TSNARE1: variants seen among roughly 807,000 people sequenced by gnomAD.
The protein encoded by TSNARE1 is t-SNARE domain containing 1.
TSNARE1 carries 49 observed loss-of-function variants against 62.0 expected under a neutral mutation model. That is an observed-to-expected ratio of 0.79 (90% CI 0.63 to 1.00). The LOEUF (loss-of-function observed/expected upper bound fraction) is 1.00. Ranked by LOEUF, TSNARE1 falls within the 50% of genes least tolerant of loss-of-function variation. The pLI is 0.00. For synonymous variants in TSNARE1, 328 were observed against 294.4 expected (o/e 1.11, Z -1.17); for missense variants, 755 against 700.1 (o/e 1.08, Z -0.88).
intron 6 of TSNARE1, among the ~76,000 whole-genome samples, chr8:142,329,866 G>T (rs534681942): frequency 3.9e-5 from 6 of 152,354 alleles, no homozygotes; most frequent in Admixed American, 6.5e-5. Context: ...GAATAGAACT[G>T]CCCTGAACAT....
At chr8:142,313,459 G>A (rs1328450942) in intron 9 of TSNARE1, among the ~76,000 whole-genome samples, 1 of 151,452 alleles carries the variant, frequency 6.6e-6, no homozygotes, top group African/African-American at 2.4e-5. Flanking sequence ...TTATCTGCAT[G>A]TGTCTGCATG....
intron 11 of TSNARE1, chr8:142,276,642 G>A (rs1205756659): frequency 1.0e-6 from 1 of 985,358 alleles, no homozygotes. Flanking sequence ...ACCACACGCA[G>A]CCTCAGCCAA....
intron 12 of TSNARE1, among the ~76,000 whole-genome samples, chr8:142,243,864 A>G (rs998691718): frequency 6.6e-6 from 1 of 152,262 alleles, no homozygotes; most frequent in Non-Finnish European, 1.5e-5. Context: ...CCATAAATAT[A>G]TGCAATTTGG....
At chr8:142,307,655 A>G (rs1206791366) in intron 9 of TSNARE1, among the ~76,000 whole-genome samples, 1 of 152,228 alleles carries the variant, frequency 6.6e-6, no homozygotes, top group African/African-American at 2.4e-5. Context: ...AACAGCTGCC[A>G]TCTTTTAAAA....
intron 1 of TSNARE1, among the ~76,000 whole-genome samples, chr8:142,398,479 C>T (rs915897741): frequency 2.0e-5 from 3 of 152,072 alleles, no homozygotes; most frequent in Non-Finnish European, 4.4e-5. Context: ...CTCTCCACCT[C>T]CTCACTCCAC....
chr8:142,309,939 G>A (rs899693569), intron 9 of TSNARE1, among the ~76,000 whole-genome samples: 3 of 151,460 alleles, frequency 2.0e-5, no homozygotes, highest in African/African-American at 7.3e-5. Context: ...TAAACTCCCA[G>A]ATTTTCTGTA....
chr8:142,282,223 A>AG (rs1821621197), intron 11 of TSNARE1, among the ~76,000 whole-genome samples: 1 of 152,064 alleles, frequency 6.6e-6, no homozygotes, highest in South Asian at 2.1e-4. Flanking sequence ...ACACCCCCCC[A>AG]GCACGGGTAC....
chr8:142,363,161 A>G (rs1835287500), intron 1 of TSNARE1, among the ~76,000 whole-genome samples: 1 of 152,142 alleles, frequency 6.6e-6, no homozygotes. Context: ...GTGCACTGGT[A>G]TCTACTGGGG....
chr8:142,256,624 C>T (rs1206702326), intron 12 of TSNARE1, among the ~76,000 whole-genome samples: 2 of 151,660 alleles, frequency 1.3e-5, no homozygotes, highest in Non-Finnish European at 2.9e-5. Context: ...CCACCACCAC[C>T]ACCACCACAA....
At chr8:142,392,893 T>C (rs957659023) in intron 1 of TSNARE1, among the ~76,000 whole-genome samples, 3 of 150,616 alleles carry the variant, frequency 2.0e-5, no homozygotes, top group East Asian at 3.9e-4. Flanking sequence ...TGAGCCGAGA[T>C]TGCACCACTG....
At chr8:142,252,838 C>T (rs1164666115) in intron 12 of TSNARE1, among the ~76,000 whole-genome samples, 1 of 152,214 alleles carries the variant, frequency 6.6e-6, no homozygotes, top group African/African-American at 2.4e-5. Context: ...CTCCCCTCCC[C>T]ACCCCTCAGC....
intron 12 of TSNARE1, among the ~76,000 whole-genome samples, chr8:142,258,381 C>CAGGG (rs1204010080): frequency 9.8e-5 from 15 of 152,312 alleles, no homozygotes; most frequent in Admixed American, 2.6e-4. Flanking sequence ...AGGTGGAACT[C>CAGGG]AGGGAGTGCT....
At chr8:142,306,670 C>T (rs1826737547) in intron 9 of TSNARE1, among the ~76,000 whole-genome samples, 1 of 152,242 alleles carries the variant, frequency 6.6e-6, no homozygotes, top group Admixed American at 6.5e-5. Flanking sequence ...AGTCCCCCCA[C>T]ATCAGCCTAG....
chr8:142,406,322 A>C, upstream of TSNARE1: 1 of 152,278 alleles, frequency 6.6e-6, no homozygotes, highest in East Asian at 1.9e-4. Flanking sequence ...CTTCCATTGT[A>C]GCTGATTTGG....
At chr8:142,283,804 A>C (rs929948393) in intron 11 of TSNARE1, among the ~76,000 whole-genome samples, 1 of 128,804 alleles carries the variant, frequency 7.8e-6, no homozygotes, top group African/African-American at 2.9e-5. Flanking sequence ...GTGTCTGTCA[A>C]TGAGCGGAGG....
At chr8:142,384,337 C>T (rs1247813664) in intron 1 of TSNARE1, among the ~76,000 whole-genome samples, 1 of 152,180 alleles carries the variant, frequency 6.6e-6, no homozygotes, top group Non-Finnish European at 1.5e-5. Flanking sequence ...CAGAAAAAAA[C>T]TAACACATTC....
chr8:142,274,248 C>A lies in TSNARE1; in HGVS notation c.1446+533G>T, dbSNP rs1586940128. 3 of 985,344 alleles carry A rather than the reference C, an allele frequency of 3.0e-6. No individual in the cohort carries two copies. The South Asian group carries it at 1.4e-4, about 46-fold the overall frequency. The allele number at this position is 985,344 out of a possible 1,614,324, so 61.0% of individuals were successfully genotyped here. ...ATCTCAGCTGGGCCACAGTCTCCAG[C>A]CAGCCTGACCTGTCAGGTCTTCTTG... On this transcript the variant is annotated intron_variant, in intron 12 of 13. Coordinates refer to ENST00000524325, the MANE Select transcript of TSNARE1 (RefSeq NM_145003.5).
intron 13 of TSNARE1, among the ~76,000 whole-genome samples, chr8:142,219,523 C>T (rs1407470782): frequency 2.6e-5 from 4 of 152,214 alleles, no homozygotes; most frequent in Non-Finnish European, 5.9e-5. Context: ...CAGGTGGACC[C>T]GGCCAGGTGG....
chr8:142,272,767 A>G (rs1439931156), intron 12 of TSNARE1: 2 of 969,036 alleles, frequency 2.1e-6, no homozygotes, highest in Non-Finnish European at 2.4e-6. Context: ...TTCTACGCAG[A>G]GGCGACTTCA....
Sources: gnomAD v4.1 joint callset for allele counts (sites outside exome capture counted in the v4.1 genomes callset) on GRCh38, gnomAD v4.1.1 for gene constraint, MANE v1.5 for transcripts, NCBI Gene and HGNC (gene_info 2026-07-23, HGNC 2026-07-21) for gene names.